The following GALK2 variants were observed in gnomAD, a reference collection of about 807,000 sequenced individuals.
GALK2 encodes N-acetylgalactosamine kinase.
A neutral mutation model predicts 52.4 loss-of-function variants in GALK2; 36 were observed. The observed-to-expected ratio is 0.69, with a 90% CI of 0.53 to 0.91. GALK2 has a LOEUF of 0.91. GALK2 is among the 40% of genes least tolerant of loss of function. GALK2 has a pLI of 0.00. For synonymous variants in GALK2, 176 were observed against 199.1 expected (o/e 0.88, Z 0.98); for missense variants, 579 against 559.1 (o/e 1.04, Z -0.36).
intron 1 of GALK2, among the ~76,000 whole-genome samples, chr15:49,159,517 A>G (rs1179018073): frequency 6.6e-6 from 1 of 151,654 alleles, no homozygotes; most frequent in East Asian, 1.9e-4. Flanking sequence ...CAGAGGTTGC[A>G]GTGAGCCGAG....
At chr15:49,229,405 T>A (rs1179677446) in intron 3 of GALK2, among the ~76,000 whole-genome samples, 1 of 152,166 alleles carries the variant, frequency 6.6e-6, no homozygotes, top group Non-Finnish European at 1.5e-5. Flanking sequence ...ACCCTCTGGC[T>A]CCAAAGCATT....
intron 3 of GALK2, among the ~76,000 whole-genome samples, chr15:49,354,562 G>C (rs8034956): frequency 0.42 from 63,869 of 152,122 alleles, 13,562 homozygotes; most frequent in African/African-American, 0.45. Context: ...GGCGCACCAC[G>C]AGATTATATC....
chr15:49,170,072 T>C, upstream of GALK2: 1 of 725,098 alleles, frequency 1.4e-6, no homozygotes, highest in Non-Finnish European at 2.1e-6. Flanking sequence ...AGTCCCTCCC[T>C]GGGAGCTAAG....
At chr15:49,282,892 G>A (rs750644874) in intron 6 of GALK2, among the ~76,000 whole-genome samples, 1 of 152,132 alleles carries the variant, frequency 6.6e-6, no homozygotes, top group African/African-American at 2.4e-5. Flanking sequence ...TGGATGAGAC[G>A]CAACAGGCAG....
chr15:49,322,973 A>G (rs1345701217), intron 9 of GALK2, among the ~76,000 whole-genome samples: 2 of 151,400 alleles, frequency 1.3e-5, no homozygotes, highest in East Asian at 1.9e-4. Flanking sequence ...AAAAAAAAAA[A>G]AAAGAAAAAA....
chr15:49,210,693 G>A (rs1043559509), intron 2 of GALK2, among the ~76,000 whole-genome samples: 9 of 152,020 alleles, frequency 5.9e-5, no homozygotes, highest in Non-Finnish European at 1.2e-4. Flanking sequence ...CACCCGCCTC[G>A]GCCTCCCAGA....
intron 1 of GALK2, among the ~76,000 whole-genome samples, chr15:49,160,172 A>G (rs1007102575): frequency 3.3e-5 from 5 of 151,770 alleles, no homozygotes; most frequent in Non-Finnish European, 5.9e-5. Flanking sequence ...TACTCAGGAA[A>G]CCTTAGGCAG....
intron 3 of GALK2, among the ~76,000 whole-genome samples, chr15:49,360,495 A>G (rs1350101520): frequency 1.3e-5 from 2 of 152,188 alleles, no homozygotes; most frequent in East Asian, 1.9e-4. Flanking sequence ...ATGTTAAAAA[A>G]ATTATTAAAT....
chr15:49,295,833 A>G (rs1407664681), intron 8 of GALK2, among the ~76,000 whole-genome samples: 1 of 152,174 alleles, frequency 6.6e-6, no homozygotes. Flanking sequence ...TCTTCTGCTT[A>G]TGCTTCTTAA....
At chr15:49,306,197 C>T (rs1249069896) in intron 8 of GALK2, among the ~76,000 whole-genome samples, 2 of 151,706 alleles carry the variant, frequency 1.3e-5, no homozygotes, top group African/African-American at 2.4e-5. Flanking sequence ...AAGCAAACTC[C>T]GGACAACAGC....
Position 49,359,410 on chromosome 15 carries a change from C to T in GALK2, c.427-8081C>T, listed in dbSNP as rs1476796360. ...TTTACAAGAAAAAAACAAACAACCC[C>T]ATCAAATAGTGGGCGAAGGACATGA... On this transcript the variant is annotated intron_variant, in intron 3 of 3. Transcript: ENST00000558399. Among the ~76,000 whole-genome samples the T allele has an allele frequency of 5.9e-5, 7 of 119,456 alleles. 1 individual carries two copies. The highest frequency in any genetic ancestry group is 2.3e-4 in the African/African-American group (7 of 31,058). 78.4% of individuals were successfully genotyped at this position (119,456 alleles called of 152,430 possible).
intron 9 of GALK2, among the ~76,000 whole-genome samples, chr15:49,324,400 C>CAAAAAA (rs56869664): frequency 1.2e-4 from 11 of 93,430 alleles, no homozygotes; most frequent in Non-Finnish European, 1.8e-4. Context: ...CATACCCTGT[C>CAAAAAA]AAAAAAAAAA....
intron 1 of GALK2, among the ~76,000 whole-genome samples, chr15:49,173,148 A>C (rs1263948195): frequency 6.6e-6 from 1 of 152,208 alleles, no homozygotes; most frequent in Non-Finnish European, 1.5e-5. Context: ...AAATGAATGG[A>C]ATCATATAAA....
At chr15:49,232,300 G>A (rs1225264889) in intron 3 of GALK2, among the ~76,000 whole-genome samples, 1 of 152,228 alleles carries the variant, frequency 6.6e-6, no homozygotes, top group Non-Finnish European at 1.5e-5. Context: ...ACCCCTGGAG[G>A]CAGAGGGGTC....
At chr15:49,209,853 T>C (rs1002745654) in intron 2 of GALK2, among the ~76,000 whole-genome samples, 1 of 152,226 alleles carries the variant, frequency 6.6e-6, no homozygotes, top group African/African-American at 2.4e-5. Context: ...CCTCATAGAA[T>C]AGTTTCAAAG....
At chr15:49,292,190 A>G in intron 7 of GALK2, 137 bp from the exon 8 acceptor site, 2 of 701,024 alleles carry the variant, frequency 2.9e-6, no homozygotes, top group South Asian at 1.9e-5. Flanking sequence ...TTTCCAAGTA[A>G]TGGTGGGAAA....
chr15:49,166,842 A>G (rs2084839091), upstream of GALK2, among the ~76,000 whole-genome samples: 1 of 152,270 alleles, frequency 6.6e-6, no homozygotes, highest in Admixed American at 6.5e-5. Flanking sequence ...ATTGTGAACA[A>G]TAGTTTTTAT....
chr15:49,241,891 T>G (rs2091113803), intron 5 of GALK2, among the ~76,000 whole-genome samples: 1 of 152,236 alleles, frequency 6.6e-6, no homozygotes, highest in African/African-American at 2.4e-5. Context: ...AATACATTTT[T>G]TTATCGGAAC....
At chr15:49,242,809 A>T (rs1410486953) in intron 5 of GALK2, among the ~76,000 whole-genome samples, 2 of 152,190 alleles carry the variant, frequency 1.3e-5, no homozygotes, top group Non-Finnish European at 2.9e-5. Flanking sequence ...GAGACTTCTG[A>T]TTTCAGCATG....
Sources: gnomAD v4.1 joint callset for allele counts (sites outside exome capture counted in the v4.1 genomes callset) on GRCh38, gnomAD v4.1.1 for gene constraint, MANE v1.5 for transcripts, NCBI Gene and HGNC (gene_info 2026-07-23, HGNC 2026-07-21) for gene names.